TAFA1: variants seen among roughly 807,000 people sequenced by gnomAD.
The protein encoded by TAFA1 is TAFA chemokine like family member 1.
In TAFA1, 4 loss-of-function variants were observed where a neutral mutation model predicts 18.5. The ratio of observed to expected loss-of-function variants is 0.22; its 90% CI spans 0.11 to 0.49. The LOEUF is 0.49. Ranked by LOEUF, TAFA1 falls within the 20% of genes least tolerant of loss-of-function variation. The pLI is 0.98. For missense variants in TAFA1, 147 were observed against 169.0 expected (o/e 0.87, Z 0.72); for synonymous variants, 56 against 55.2 (o/e 1.01, Z -0.06).
chr3:68,474,851 A>G (rs1459081284), intron 3 of TAFA1, among the ~76,000 whole-genome samples: 1 of 152,220 alleles, frequency 6.6e-6, no homozygotes, highest in Non-Finnish European at 1.5e-5. Context: ...AATGACAAAG[A>G]TAACTTTGAC....
intron 2 of TAFA1, among the ~76,000 whole-genome samples, chr3:68,172,519 C>T (rs948424398): frequency 5.3e-5 from 8 of 152,074 alleles, no homozygotes; most frequent in African/African-American, 1.9e-4. Context: ...CATAGCACTG[C>T]CATGTGATCC....
At chr3:68,218,771 A>G (rs2066693368) in intron 2 of TAFA1, among the ~76,000 whole-genome samples, 3 of 152,170 alleles carry the variant, frequency 2.0e-5, no homozygotes. Flanking sequence ...ATTCCTTGCT[A>G]CCACCCATGT....
Position 68,120,171 on chromosome 3 carries a change from C to CTCTTTCTTTCTTTCTTTCTT in TAFA1, c.118+113501_118+113520dup, listed in dbSNP as rs67707831. ...TTTCTTTCTTTCTTTCTCTTTCTTT[C>CTCTTTCTTTCTTTCTTTCTT]TCTTTCTTTCTTTCTTTCTTTCTTT... On this transcript the variant is annotated intron_variant, in intron 2 of 4. Coordinates refer to ENST00000478136, the MANE Select transcript of TAFA1 (RefSeq NM_213609.4). Among the ~76,000 whole-genome samples the CTCTTTCTTTCTTTCTTTCTT allele has an allele frequency of 1.4e-4, 12 of 84,486 alleles. 1 individual carries two copies. In the East Asian group the frequency reaches 1.9e-3, roughly 13 times the overall value. 55.4% of individuals were successfully genotyped at this position (84,486 alleles called of 152,430 possible).
At chr3:68,384,708 C>T (rs906890507) in intron 2 of TAFA1, among the ~76,000 whole-genome samples, 1 of 151,908 alleles carries the variant, frequency 6.6e-6, no homozygotes, top group Non-Finnish European at 1.5e-5. Context: ...GAGTTCAAGT[C>T]CTGAATAACT....
chr3:68,290,898 TA>T (rs199858808), intron 2 of TAFA1, among the ~76,000 whole-genome samples: 33,848 of 146,878 alleles, frequency 0.23, 5,089 homozygotes, highest in East Asian at 0.58. Flanking sequence ...ATCCTTTTCT[TA>T]AAAAAAAAAA....
At chr3:68,006,893 G>A (rs1049891700) in intron 2 of TAFA1, 149 bp downstream of exon 2, 8 of 626,386 alleles carry the variant, frequency 1.3e-5, no homozygotes, top group Non-Finnish European at 2.0e-5. Context: ...TGCTTTGGGG[G>A]AAGGGGAGTG....
At position 68,403,507 on chromosome 3, in the gene TAFA1, C is replaced by G. The variant is rs557059115; in HGVS notation, c.119-13773C>G. 3.3e-5 allele frequency among the ~76,000 whole-genome samples: 5 copies of G among 152,256 alleles called. No individual in the cohort carries two copies. In the South Asian group the frequency reaches 1.0e-3, roughly 32 times the overall value. On this transcript the variant is annotated intron_variant, in intron 2 of 4. Transcript: ENST00000478136. The stretch of plus-strand genomic sequence containing the variant: ...CTGTAGGCCAAATCTGGTGCACTGT[C>G]CGATTTTTATGATCCACAAGCTAAA...
intron 3 of TAFA1, among the ~76,000 whole-genome samples, chr3:68,457,590 G>A (rs1392340748): frequency 6.6e-6 from 1 of 152,130 alleles, no homozygotes; most frequent in Non-Finnish European, 1.5e-5. Context: ...CATAAACATT[G>A]TGAATGTCTA....
the TAFA1 span, among the ~76,000 whole-genome samples, chr3:67,992,425 T>C: frequency 3.9e-5 from 6 of 152,228 alleles, no homozygotes; most frequent in African/African-American, 1.2e-4. Flanking sequence ...ATTGTTAGCA[T>C]TGTTATTTTG....
intron 3 of TAFA1, among the ~76,000 whole-genome samples, chr3:68,435,097 G>A (rs2071247279): frequency 6.6e-6 from 1 of 152,084 alleles, no homozygotes; most frequent in African/African-American, 2.4e-5. Flanking sequence ...AGAGGTTAGG[G>A]TGTTAAATGA....
At chr3:68,293,379 A>G (rs944627946) in intron 2 of TAFA1, among the ~76,000 whole-genome samples, 1 of 152,202 alleles carries the variant, frequency 6.6e-6, no homozygotes, top group Admixed American at 6.5e-5. Context: ...GTATCCCAGA[A>G]CTTAAAGTAA....
chr3:68,221,527 G>T lies in TAFA1; in HGVS notation c.119-195753G>T, dbSNP rs563228626. Among the ~76,000 whole-genome samples, 39 of 152,248 alleles carry T rather than the reference G, an allele frequency of 2.6e-4. No individual in the cohort carries two copies. In the South Asian group the frequency reaches 4.3e-3, roughly 17 times the overall value. On this transcript the variant is annotated intron_variant, in intron 2 of 4. Transcript: ENST00000478136. ...TTTTTTTAAATGTCACAGACAAAAAGTTACCTTTCTCCCAATATTGTTTCT... is the reference window on the plus strand; with the variant it reads ...TTTTTTTAAATGTCACAGACAAAAATTTACCTTTCTCCCAATATTGTTTCT...
chr3:68,159,998 T>C (rs756800259), intron 2 of TAFA1, among the ~76,000 whole-genome samples: 21 of 152,220 alleles, frequency 1.4e-4, no homozygotes, highest in Non-Finnish European at 2.9e-4. Flanking sequence ...CTCTTGTTAA[T>C]TGGACTCTGC....
chr3:68,145,420 T>G, intron 2 of TAFA1: 2 of 848,420 alleles, frequency 2.4e-6, no homozygotes, highest in Non-Finnish European at 4.2e-6. Context: ...TTGTTGGACT[T>G]CCTATAGAAG....
upstream of TAFA1, among the ~76,000 whole-genome samples, chr3:67,999,853 A>T (rs560625401): frequency 5.2e-4 from 77 of 148,988 alleles, no homozygotes; most frequent in African/African-American, 1.9e-3. Flanking sequence ...TGCAATGGTG[A>T]TCTCGGCTCA....
chr3:68,533,223 C>T (rs776319382), intron 3 of TAFA1, among the ~76,000 whole-genome samples: 3 of 152,118 alleles, frequency 2.0e-5, no homozygotes, highest in Non-Finnish European at 4.4e-5. Flanking sequence ...GTTTAATAGA[C>T]TCACAGTTCC....
At chr3:68,501,895 G>C (rs1332548504) in intron 3 of TAFA1, among the ~76,000 whole-genome samples, 1 of 152,128 alleles carries the variant, frequency 6.6e-6, no homozygotes, top group East Asian at 1.9e-4. Flanking sequence ...GTGTAGTGTG[G>C]ACATGCATAG....
At chr3:68,171,993 T>A (rs1302316643) in intron 2 of TAFA1, among the ~76,000 whole-genome samples, 1 of 152,040 alleles carries the variant, frequency 6.6e-6, no homozygotes, top group African/African-American at 2.4e-5. Flanking sequence ...ATTATATAGA[T>A]GATTGAGTCT....
chr3:68,348,629 A>G (rs546813692), intron 2 of TAFA1, among the ~76,000 whole-genome samples: 1 of 152,200 alleles, frequency 6.6e-6, no homozygotes, highest in South Asian at 2.1e-4. Context: ...CTGAGCTATT[A>G]ATTAAACTTG....
Sources: gnomAD v4.1 joint callset for allele counts (sites outside exome capture counted in the v4.1 genomes callset) on GRCh38, gnomAD v4.1.1 for gene constraint, MANE v1.5 for transcripts, NCBI Gene and HGNC (gene_info 2026-07-23, HGNC 2026-07-21) for gene names.